Variants in ZBTB41 observed in about 807,000 individuals in gnomAD.
The protein encoded by ZBTB41 is zinc finger and BTB domain-containing protein 41.
Under a neutral mutation model 87.6 loss-of-function variants are expected in ZBTB41, and 42 were observed. That is an observed-to-expected ratio of 0.48 (90% confidence interval 0.37 to 0.62). The LOEUF is 0.62. Ranked by LOEUF, ZBTB41 falls within the 20% of genes least tolerant of loss-of-function variation. The probability of loss-of-function intolerance (pLI) is 0.00; values close to 1 mark genes in which losing one functional copy is unlikely to be tolerated. For missense variants in ZBTB41, 799 were observed against 1,078.9 expected, an observed-to-expected ratio of 0.74 and a Z score of 3.63; for synonymous variants, 364 against 364.0, an observed-to-expected ratio of 1.00 and a Z score of 0.00.
At position 197,188,198 on chromosome 1, in the gene ZBTB41, A is replaced by G. The variant is rs1193275145; in HGVS notation, c.1546+94T>C. 4.6e-5 allele frequency: 66 copies of G among 1,430,822 alleles called. 1 individual carries two copies. The highest frequency in any genetic ancestry group is 8.9e-5 in the Admixed American group (4 of 44,820). The allele number at this position is 1,430,822 out of a possible 1,614,324, so 88.6% of individuals were successfully genotyped here. On this transcript the variant is annotated intron_variant, in intron 5 of 10. Coordinates refer to ENST00000367405, the MANE Select transcript of ZBTB41 (RefSeq NM_194314.3). Reference sequence around the variant, plus strand: ...AAACCACTCTTAAAAAGTCTTTTAGAAGAAAAAGAGTAATTCAGCTATAGA... The same window carrying G: ...AAACCACTCTTAAAAAGTCTTTTAGGAGAAAAAGAGTAATTCAGCTATAGA...
At chr1:197,174,691 T>C (rs1367315999) in intron 9 of ZBTB41, among the ~76,000 whole-genome samples, 1 of 152,078 alleles carries the variant, frequency 6.6e-6, no homozygotes, top group Admixed American at 6.6e-5. Flanking sequence ...TGCAAACATT[T>C]CCTAACAACT....
rs750606296 is a variant in ZBTB41 at position 197,181,095 on chromosome 1, A to G, written c.1569T>C (p.Cys523=). The G allele has an allele frequency of 1.9e-6, 3 of 1,590,956 alleles. No individual in the cohort carries two copies. The East Asian group carries it at 6.7e-5, about 36-fold the overall frequency. Residue 523 remains cysteine (C), a synonymous_variant, in exon 6 of 11, where the codon TGT becomes TGC. Coordinates refer to ENST00000367405, the MANE Select transcript of ZBTB41 (RefSeq NM_194314.3). ...TTCCAGTGTCGTTAAACTGGCGACC[A>G]CATATATCACATGGAAAAGGACCTA... ...FHLGPFPCDI[C]GRQFNDTGNL... is the part of the protein sequence containing the mutation.
intron 4 of ZBTB41, 53 bp from the exon 5 acceptor site, chr1:197,188,492 T>C (rs1180231497): frequency 6.8e-7 from 1 of 1,471,498 alleles, no homozygotes; most frequent in Non-Finnish European, 9.1e-7. Flanking sequence ...AAAATTGTAA[T>C]ATTAAGCTTG....
chr1:197,188,311 A>G lies in ZBTB41; in HGVS notation c.1527T>C (p.His509=). 1 of 1,612,436 alleles carries G rather than the reference A, an allele frequency of 6.2e-7. No individual in the cohort carries two copies. Among genetic ancestry groups the G allele is most frequent in the Non-Finnish European group, 8.5e-7 (1 of 1,179,648 alleles). Residue 509 remains histidine (H), a synonymous_variant, in exon 5 of 11, where the codon CAT becomes CAC. Transcript: ENST00000367405. The part of the protein sequence containing the change: ...HFKSRFARLK[H]QEKFHLGPFP... ...GCTTACCCAGATGGAACTTTTCTTGATGCTTTAACCGAGCAAACCGTGATT... is the reference window on the plus strand; with the variant it reads ...GCTTACCCAGATGGAACTTTTCTTGGTGCTTTAACCGAGCAAACCGTGATT...
In ZBTB41 at chr1:197,176,869, C is replaced by A. The variant is rs61819117; in HGVS notation, c.1773-199G>T. Among the ~76,000 whole-genome samples the A allele has an allele frequency of 0.3, 45,984 of 152,018 alleles. 8,702 individuals are homozygous for A. Among genetic ancestry groups the A allele is most frequent in the Middle Eastern group, 0.44 (128 of 290 alleles). On this transcript the variant is annotated intron_variant, in intron 7 of 10. Coordinates refer to ENST00000367405, the MANE Select transcript of ZBTB41 (RefSeq NM_194314.3). The stretch of plus-strand genomic sequence containing the variant: ...ACCCCAGGTCCCTACTCATCTCTTT[C>A]AAGAAAGCATTTCAACATTTGTATA...
chr1:197,178,301 T>C (rs1260176705), intron 7 of ZBTB41, 116 bp downstream of exon 7: 3 of 612,132 alleles, frequency 4.9e-6, no homozygotes, highest in Non-Finnish European at 7.7e-6. Context: ...TTGCACAACT[T>C]TGCATATCAT....
Position 197,200,567 on chromosome 1 carries a change from G to A in ZBTB41, c.-94C>T. 7.7e-7 allele frequency: 1 copy of A among 1,294,664 alleles called. No individual in the cohort carries two copies. The highest frequency in any genetic ancestry group is 1.0e-6 in the Non-Finnish European group (1 of 960,438). 80.2% of individuals were successfully genotyped at this position (1,294,664 alleles called of 1,614,324 possible). ...TTGTCTTGGATAACAGCTTCTGAAG[G>A]GGCGTGCCCAAGGGTTTCATGGTCT... On this transcript the variant is annotated 5_prime_UTR_variant, in exon 2 of 11. Coordinates refer to ENST00000367405, the MANE Select transcript of ZBTB41 (RefSeq NM_194314.3).
intron 5 of ZBTB41, among the ~76,000 whole-genome samples, chr1:197,187,970 A>C (rs918779515): frequency 3.3e-5 from 5 of 152,238 alleles, no homozygotes; most frequent in African/African-American, 1.2e-4. Flanking sequence ...GTCTAAAACA[A>C]CACAAAATAC....
chr1:197,166,612 G>A (rs934753801), intron 10 of ZBTB41, among the ~76,000 whole-genome samples: 5 of 151,984 alleles, frequency 3.3e-5, no homozygotes, highest in African/African-American at 1.2e-4. Context: ...TTGGGAGGCC[G>A]AGGTGGGTAG....
chr1:197,180,433 G>T (rs1056076900), intron 6 of ZBTB41, among the ~76,000 whole-genome samples: 8 of 152,118 alleles, frequency 5.3e-5, no homozygotes, highest in Admixed American at 2.0e-4. Context: ...CCCATACCTA[G>T]TAAGTTTAAA....
chr1:197,164,780 TTATATATAATACATATATAATATATTA>T (rs1557975053), intron 10 of ZBTB41, among the ~76,000 whole-genome samples: 1,398 of 107,032 alleles, frequency 0.013, 22 homozygotes, highest in Non-Finnish European at 0.016. Context: ...ATCTAATATA[TTATATATAATACATATATAATATATTA>T]TATATATTAT....
rs781324771 is a variant in ZBTB41, at chr1:197,159,440, T to G, written c.2649A>C (p.Glu883Asp). Residue 883 changes from glutamate (E) to aspartate (D), a missense_variant, in exon 11 of 11, where the codon GAA (glutamate) becomes GAC (aspartate). By Grantham distance (45) the Glu-to-Asp change is conservative. Coordinates refer to ENST00000367405, the MANE Select transcript of ZBTB41 (RefSeq NM_194314.3). ...CCAGTAATGTTCCAAGATAAGATTG[T>G]TCTCTAGGATCTAGCATTTGTTCAG... is the stretch of plus-strand genomic sequence containing the variant. ...VRPEQMLDPR[E>D]QSYLGTLLGL... The G allele has an allele frequency of 6.2e-7, 1 of 1,613,948 alleles. No individual in the cohort carries two copies. Among genetic ancestry groups the G allele is most frequent in the South Asian group, 1.1e-5 (1 of 91,082 alleles).
At chr1:197,161,958 C>T (rs890583439) in intron 10 of ZBTB41, among the ~76,000 whole-genome samples, 1 of 151,360 alleles carries the variant, frequency 6.6e-6, no homozygotes, top group African/African-American at 2.4e-5. Context: ...GGCACAGGAC[C>T]AGCATGATGG....
intron 2 of ZBTB41, among the ~76,000 whole-genome samples, chr1:197,194,061 C>T (rs919366163): frequency 6.6e-6 from 1 of 151,908 alleles, no homozygotes; most frequent in Non-Finnish European, 1.5e-5. Flanking sequence ...TGCTCTTGTC[C>T]AGGCTGGAGT....
chr1:197,168,762 T>C (rs1242833797), intron 10 of ZBTB41, among the ~76,000 whole-genome samples: 1 of 152,096 alleles, frequency 6.6e-6, no homozygotes, highest in Admixed American at 6.5e-5. Flanking sequence ...ACATGACGTC[T>C]TTAAACTTCA....
At position 197,181,355 on chromosome 1, in the gene ZBTB41, T is replaced by C. The variant is rs542426057; in HGVS notation, c.1547-238A>G. Among the ~76,000 whole-genome samples the C allele has an allele frequency of 4.6e-5, 7 of 152,204 alleles. No homozygotes were observed. In the South Asian group the frequency reaches 1.4e-3, roughly 32 times the overall value. ...CTGAACAAACTAATGAGTTAACAAA[T>C]TGAAATGGCCAATTCCTGGTTTGAA... On this transcript the variant is annotated intron_variant, in intron 5 of 10. Coordinates refer to ENST00000367405, the MANE Select transcript of ZBTB41 (RefSeq NM_194314.3).
intron 2 of ZBTB41, among the ~76,000 whole-genome samples, chr1:197,197,328 G>C (rs1228613055): frequency 6.6e-6 from 1 of 151,894 alleles, no homozygotes; most frequent in Non-Finnish European, 1.5e-5. Context: ...ATAAGATATA[G>C]ATAGATATAG....
intron 8 of ZBTB41, 138 bp downstream of exon 8, chr1:197,176,426 C>G (rs1170230745): frequency 1.7e-6 from 1 of 575,834 alleles, no homozygotes; most frequent in Non-Finnish European, 3.0e-6. Flanking sequence ...AAAATGTTTT[C>G]AGAACCAGAA....
At chr1:197,176,729 A>G in intron 7 of ZBTB41, 59 bp from the exon 8 acceptor site, 2 of 1,170,950 alleles carry the variant, frequency 1.7e-6, no homozygotes, top group Non-Finnish European at 2.5e-6. Context: ...GAAAAAGCTC[A>G]ATAATGAATA....
Sources: gnomAD v4.1 joint callset for allele counts (sites outside exome capture counted in the v4.1 genomes callset) on GRCh38, gnomAD v4.1.1 for gene constraint, MANE v1.5 for transcripts, NCBI Gene and HGNC (gene_info 2026-07-23, HGNC 2026-07-21) for gene names.